Variants in PPA1 observed in about 807,000 individuals in gnomAD.
PPA1 encodes the protein inorganic pyrophosphatase.
PPA1 carries 23 observed loss-of-function variants against 41.8 expected under a neutral mutation model. The observed-to-expected ratio is 0.55, with a 90% CI of 0.40 to 0.78. PPA1 has a LOEUF of 0.78. PPA1 is among the 30% of genes least tolerant of loss of function. The pLI is 0.00. For synonymous variants in PPA1, 101 were observed against 116.8 expected (o/e 0.86, Z 0.87); for missense variants, 320 against 361.6 (o/e 0.89, Z 0.93).
chr10:70,205,685 A>G (rs992111787), intron 9 of PPA1: 1 of 152,210 alleles, frequency 6.6e-6, no homozygotes, highest in Admixed American at 6.5e-5. Flanking sequence ...AAGGCAGTAA[A>G]AAAGTCAGAC....
At chr10:70,209,161 C>G in intron 8 of PPA1, 44 bp downstream of exon 8, 1 of 1,364,348 alleles carries the variant, frequency 7.3e-7, no homozygotes, top group Non-Finnish European at 1.0e-6. Context: ...TTTCTGCAAG[C>G]TGGTCTGCTT....
At chr10:70,218,202 A>G (rs545942722) in intron 3 of PPA1, among the ~76,000 whole-genome samples, 1 of 152,362 alleles carries the variant, frequency 6.6e-6, no homozygotes, top group South Asian at 2.1e-4. Flanking sequence ...AATAAATTCT[A>G]ATGTTTGAGT....
At chr10:70,225,764 T>A (rs1203472367) in intron 2 of PPA1, among the ~76,000 whole-genome samples, 1 of 151,962 alleles carries the variant, frequency 6.6e-6, no homozygotes, top group African/African-American at 2.4e-5. Context: ...TTCGAAAAGG[T>A]ATACCAGATT....
intron 7 of PPA1, 51 bp downstream of exon 7, chr10:70,209,507 T>C (rs369693463): frequency 3.9e-6 from 6 of 1,533,924 alleles, no homozygotes; most frequent in African/African-American, 1.4e-5. Flanking sequence ...GGTTAAATTA[T>C]GAGTCTCAAT....
At position 70,209,704 on chromosome 10, in the gene PPA1, T is replaced by C. The variant is rs200406412; in HGVS notation, c.512-19A>G. The C allele has an allele frequency of 1.2e-3, 1,922 of 1,568,136 alleles. 3 individuals are homozygous for C. Among genetic ancestry groups the C allele is most frequent in the Non-Finnish European group, 1.6e-3 (1,802 of 1,152,900 alleles). ...TTGATATCTAAGAAGAGAAGAAGCA[T>C]AAGATGACAGTGAGAATGATTTTTT... is the stretch of plus-strand genomic sequence containing the variant. On this transcript the variant is annotated intron_variant, in intron 6 of 10. Coordinates refer to ENST00000373232, the MANE Select transcript of PPA1 (RefSeq NM_021129.4).
At chr10:70,206,855 AG>A (rs1297245949) in intron 8 of PPA1, among the ~76,000 whole-genome samples, 3 of 52,586 alleles carry the variant, frequency 5.7e-5, no homozygotes, top group Admixed American at 6.2e-4. Context: ...TAAGGAGGAG[AG>A]GAGAGGAGAG....
chr10:70,224,497 G>C (rs887656890), intron 2 of PPA1, among the ~76,000 whole-genome samples: 6 of 152,264 alleles, frequency 3.9e-5, no homozygotes, highest in Admixed American at 3.3e-4. Flanking sequence ...ATTAATCACA[G>C]TAGTATGGTG....
At chr10:70,221,027 A>AT (rs56911439) in intron 2 of PPA1, among the ~76,000 whole-genome samples, 777 of 59,770 alleles carry the variant, frequency 0.013, 43 homozygotes, top group Middle Eastern at 0.047. Context: ...TTATATATAT[A>AT]ATATATATAT....
At chr10:70,220,341 C>T (rs1300955747) in intron 2 of PPA1, among the ~76,000 whole-genome samples, 1 of 144,730 alleles carries the variant, frequency 6.9e-6, no homozygotes, top group South Asian at 2.1e-4. Flanking sequence ...AAGCCTCAAC[C>T]ACCCTGGCTC....
rs999580282 is a variant in PPA1 at position 70,203,932 on chromosome 10, A to T, written c.839-746T>A. 4.6e-5 allele frequency: 7 copies of T among 152,396 alleles called. No individual in the cohort carries two copies. In the East Asian group the frequency reaches 9.6e-4, roughly 21 times the overall value. The allele number at this position is 152,396 out of a possible 1,614,324, so 9.4% of individuals were successfully genotyped here. A position where few individuals can be genotyped will look rare whatever the true frequency, so the allele number is the denominator to read the frequency against. On this transcript the variant is annotated intron_variant, in intron 10 of 10. Transcript: ENST00000373232. ...CATGGTTTGGAAACCACTGTGATAC[A>T]GTGTGGCACTAAAGGTGGTATGTAG...
chr10:70,207,836 G>A (rs541499128), intron 8 of PPA1, among the ~76,000 whole-genome samples: 9 of 151,942 alleles, frequency 5.9e-5, no homozygotes, highest in South Asian at 2.1e-4. Context: ...TTGTTTATCC[G>A]TAGTTCAAGT....
chr10:70,226,430 G>A (rs1840231743), intron 2 of PPA1, among the ~76,000 whole-genome samples: 1 of 151,924 alleles, frequency 6.6e-6, no homozygotes, highest in African/African-American at 2.4e-5. Flanking sequence ...ACGGTGGTGT[G>A]TGCCTGTAGT....
chr10:70,232,620 G>A (rs185222979), intron 1 of PPA1, among the ~76,000 whole-genome samples: 13 of 152,266 alleles, frequency 8.5e-5, no homozygotes, highest in African/African-American at 2.9e-4. Context: ...TTGATTTGAG[G>A]GAAACAGCTT....
At chr10:70,208,916 C>A (rs1037471053) in intron 8 of PPA1, among the ~76,000 whole-genome samples, 1 of 151,906 alleles carries the variant, frequency 6.6e-6, no homozygotes, top group Non-Finnish European at 1.5e-5. Context: ...AACTCAGCCT[C>A]CCAGGTAGCT....
intron 6 of PPA1, chr10:70,209,974 C>G (rs1839998237): frequency 2.7e-6 from 1 of 372,358 alleles, no homozygotes; most frequent in African/African-American, 2.1e-5. Context: ...ATAGTAATCT[C>G]TGTTAGGTAA....
rs111850687 is a variant in PPA1 at position 70,203,073 on chromosome 10, T to C, written c.*82A>G. ...AGATGAGTTCTACAAATTTAAAGCT[T>C]TGAAAAGCTACTACTTTTACTTCTA... On this transcript the variant is annotated 3_prime_UTR_variant, in exon 11 of 11. Coordinates refer to ENST00000373232, the MANE Select transcript of PPA1 (RefSeq NM_021129.4). 4.3e-4 allele frequency: 599 copies of C among 1,402,432 alleles called. 3 individuals carry two copies. In the African/African-American group the frequency reaches 7.8e-3, roughly 18 times the overall value. The allele number at this position is 1,402,432 out of a possible 1,614,324, so 86.9% of individuals were successfully genotyped here.
intron 2 of PPA1, among the ~76,000 whole-genome samples, chr10:70,221,040 ATTATATATATATATAAT>A (rs1564584568): frequency 1.5e-5 from 1 of 66,964 alleles, no homozygotes; most frequent in East Asian, 4.7e-4. Flanking sequence ...ATATATATAA[ATTATATATATATATAAT>A]TTATATATAT....
intron 2 of PPA1, among the ~76,000 whole-genome samples, chr10:70,229,622 C>T (rs1035153030): frequency 2.3e-4 from 35 of 152,108 alleles, no homozygotes; most frequent in African/African-American, 7.5e-4. Context: ...GGTACTAGCC[C>T]GTTACTAAAT....
At chr10:70,205,957 A>G (rs910721533) in intron 9 of PPA1, 8 of 256,878 alleles carry the variant, frequency 3.1e-5, no homozygotes, top group African/African-American at 6.5e-5. Context: ...TCTTTTGCGG[A>G]AATGGCTTAT....
Sources: allele counts gnomAD v4.1 joint callset (sites outside exome capture counted in the v4.1 genomes callset), GRCh38; gene constraint gnomAD v4.1.1; transcripts MANE v1.5; gene names NCBI Gene and HGNC (gene_info 2026-07-23, HGNC 2026-07-21).